HDAC4: variants seen among roughly 807,000 people sequenced by gnomAD.
The protein encoded by HDAC4 is histone deacetylase 4, also known as histone deacetylase A.
HDAC4 carries 16 observed loss-of-function variants against 135.1 expected under a neutral mutation model. The ratio of observed to expected loss-of-function variants is 0.12; its 90% CI spans 0.08 to 0.18. The LOEUF (loss-of-function observed/expected upper bound fraction) is 0.18, where lower values mean the gene tolerates loss of function less well. Ranked by LOEUF, HDAC4 falls within the 10% of genes least tolerant of loss-of-function variation. The probability of loss-of-function intolerance (pLI) is 1.00; values close to 1 mark genes in which losing one functional copy is unlikely to be tolerated. For missense variants in HDAC4, 1,143 were observed against 1,511.8 expected, an observed-to-expected ratio of 0.76 and a Z score of 4.05; for synonymous variants, 685 against 653.4, an observed-to-expected ratio of 1.05 and a Z score of -0.74.
At chr2:239,063,456 G>A (rs1334771045) in intron 24 of HDAC4, among the ~76,000 whole-genome samples, 6 of 152,128 alleles carry the variant, frequency 3.9e-5, no homozygotes, top group South Asian at 2.1e-4. Context: ...CGCCCGCCTC[G>A]GCCTCCCAAA....
At chr2:239,286,440 T>C (rs1157997198) in intron 2 of HDAC4, among the ~76,000 whole-genome samples, 4 of 152,174 alleles carry the variant, frequency 2.6e-5, no homozygotes, top group African/African-American at 7.2e-5. Flanking sequence ...GTATTTTGTA[T>C]TCTGAAAGTA....
At chr2:239,067,550 G>A (rs1425843192) in intron 23 of HDAC4, among the ~76,000 whole-genome samples, 5 of 152,264 alleles carry the variant, frequency 3.3e-5, no homozygotes, top group Non-Finnish European at 7.3e-5. Flanking sequence ...GCGGACTGAG[G>A]AGGAAGCTGA....
chr2:239,260,626 C>G (rs1459829997), intron 2 of HDAC4, among the ~76,000 whole-genome samples: 1 of 152,200 alleles, frequency 6.6e-6, no homozygotes, highest in Non-Finnish European at 1.5e-5. Context: ...TACCGCTTCT[C>G]TGTGGCCCTG....
At chr2:239,246,489 A>G (rs2048467970) in intron 2 of HDAC4, among the ~76,000 whole-genome samples, 1 of 152,194 alleles carries the variant, frequency 6.6e-6, no homozygotes, top group African/African-American at 2.4e-5. Flanking sequence ...GGCACCGAGC[A>G]TAGAGCCAGG....
At chr2:239,122,968 C>T (rs550604659) in intron 12 of HDAC4, among the ~76,000 whole-genome samples, 302 of 152,304 alleles carry the variant, frequency 2.0e-3, no homozygotes, top group Non-Finnish European at 3.2e-3. Context: ...AGGGCCGGGA[C>T]GTCAGTGTTA....
intron 7 of HDAC4, among the ~76,000 whole-genome samples, chr2:239,147,461 G>A (rs1210180543): frequency 6.6e-6 from 1 of 152,284 alleles, no homozygotes; most frequent in Non-Finnish European, 1.5e-5. Flanking sequence ...AGTGGAAGAT[G>A]CAGGTAAGCC....
chr2:239,378,116 C>T (rs1695153336), intron 1 of HDAC4, among the ~76,000 whole-genome samples: 1 of 152,132 alleles, frequency 6.6e-6, no homozygotes, highest in African/African-American at 2.4e-5. Context: ...AGGTGGGTGC[C>T]CCTCTCAGCC....
chr2:239,200,552 T>C (rs1191807913), intron 3 of HDAC4, among the ~76,000 whole-genome samples: 2 of 152,182 alleles, frequency 1.3e-5, no homozygotes, highest in Non-Finnish European at 2.9e-5. Flanking sequence ...ATATATGCAA[T>C]GCCAAAGACA....
At chr2:239,271,051 TTGGA>T (rs1336571869) in intron 2 of HDAC4, among the ~76,000 whole-genome samples, 1 of 152,222 alleles carries the variant, frequency 6.6e-6, no homozygotes, top group African/African-American at 2.4e-5. Context: ...TCTCATTAAT[TTGGA>T]GCTGAAGGAA....
At chr2:239,314,208 A>C (rs2053018628) in intron 2 of HDAC4, among the ~76,000 whole-genome samples, 1 of 152,200 alleles carries the variant, frequency 6.6e-6, no homozygotes, top group Admixed American at 6.5e-5. Context: ...TGAACCTCAA[A>C]AAAACATCCA....
intron 12 of HDAC4, among the ~76,000 whole-genome samples, chr2:239,118,680 A>G (rs901094891): frequency 6.6e-6 from 1 of 152,206 alleles, no homozygotes; most frequent in Non-Finnish European, 1.5e-5. Flanking sequence ...CACAACGCAT[A>G]CAAGTATCAA....
chr2:239,060,164 A>C lies in HDAC4; in HGVS notation c.3004-5331T>G, dbSNP rs181759425. Among the ~76,000 whole-genome samples the C allele has an allele frequency of 2.7e-3, 417 of 152,294 alleles. 2 individuals are homozygous for C. Among genetic ancestry groups the C allele is most frequent in the Admixed American group, 4.7e-3 (72 of 15,296 alleles). On this transcript the variant is annotated intron_variant, in intron 24 of 26. Coordinates refer to ENST00000543185, the MANE Select transcript of HDAC4 (RefSeq NM_001378414.1). ...GACAGGCTGTTTCCTAGAGGAGCGC[A>C]CTGATGGGACTCCATCCACTGGGGC...
At position 239,050,445 on chromosome 2, in the gene HDAC4, T is replaced by C. The variant is rs1028070240; in HGVS notation, c.*2652A>G. 1 of 152,388 alleles carries C rather than the reference T, an allele frequency of 6.6e-6. No homozygotes were observed. The highest frequency in any genetic ancestry group is 1.5e-5 in the Non-Finnish European group (1 of 68,098). 9.4% of individuals were successfully genotyped at this position (152,388 alleles called of 1,614,324 possible). On this transcript the variant is annotated 3_prime_UTR_variant, in exon 27 of 27. Transcript: ENST00000543185. ...CTAGCTGGGCCCTGCCACTGCTCTG[T>C]GCCATGAATGGGGAATGGACCAGCT...
intron 22 of HDAC4, among the ~76,000 whole-genome samples, chr2:239,079,031 C>T (rs962484344): frequency 6.6e-6 from 1 of 152,222 alleles, no homozygotes; most frequent in Non-Finnish European, 1.5e-5. Context: ...GCAGCATGCA[C>T]ACCTCTTATG....
intron 17 of HDAC4, chr2:239,094,666 C>T: frequency 1.2e-5 from 14 of 1,195,224 alleles, no homozygotes; most frequent in Non-Finnish European, 1.5e-5. Context: ...ACGCATCCTA[C>T]CCGCACCATA....
intron 2 of HDAC4, among the ~76,000 whole-genome samples, chr2:239,322,735 CTT>C (rs1169255998): frequency 6.6e-6 from 1 of 152,120 alleles, no homozygotes; most frequent in Non-Finnish European, 1.5e-5. Context: ...GGAAAGCACT[CTT>C]GAGACTCTTC....
chr2:239,227,781 A>G (rs2153149596), intron 3 of HDAC4, among the ~76,000 whole-genome samples: 1 of 152,282 alleles, frequency 6.6e-6, no homozygotes, highest in Non-Finnish European at 1.5e-5. Flanking sequence ...GGCCCTCTGA[A>G]GGCAAATGTG....
chr2:239,165,397 G>A (rs1401191072), intron 5 of HDAC4, among the ~76,000 whole-genome samples: 3 of 152,146 alleles, frequency 2.0e-5, no homozygotes, highest in Admixed American at 6.5e-5. Context: ...GACACGCGCC[G>A]ATTTCCTCTC....
intron 22 of HDAC4, among the ~76,000 whole-genome samples, chr2:239,075,096 T>G (rs865977890): frequency 6.6e-6 from 1 of 151,122 alleles, no homozygotes; most frequent in South Asian, 2.1e-4. Flanking sequence ...TGGTGGCGGG[T>G]GCCTGTAGTC....
Sources: gnomAD v4.1 joint callset for allele counts (sites outside exome capture counted in the v4.1 genomes callset) on GRCh38, gnomAD v4.1.1 for gene constraint, MANE v1.5 for transcripts, NCBI Gene and HGNC (gene_info 2026-07-23, HGNC 2026-07-21) for gene names.